The following STARD7 variants were observed in gnomAD, a reference collection of about 807,000 sequenced individuals.
STARD7 encodes the protein stAR-related lipid transfer protein 7, mitochondrial.
A neutral mutation model predicts 45.3 loss-of-function variants in STARD7; 30 were observed. The ratio of observed to expected loss-of-function variants is 0.66; its 90% CI spans 0.50 to 0.90. STARD7 has a LOEUF of 0.90. STARD7 is among the 40% of genes least tolerant of loss of function. The probability of loss-of-function intolerance (pLI) is 0.00; values close to 1 mark genes in which losing one functional copy is unlikely to be tolerated. For missense variants in STARD7, 495 were observed against 491.3 expected (o/e 1.01, Z -0.07); for synonymous variants, 199 against 183.0 (o/e 1.09, Z -0.70).
intron 1 of STARD7, among the ~76,000 whole-genome samples, chr2:96,204,749 CAAA>C (rs397959036): frequency 6.2e-5 from 6 of 96,122 alleles, no homozygotes; most frequent in East Asian, 3.1e-4. Flanking sequence ...TGACAATGGC[CAAA>C]AAAAAAAAAA....
At chr2:96,187,720 G>A (rs1683059033) in intron 6 of STARD7, 1 of 154,132 alleles carries the variant, frequency 6.5e-6, no homozygotes, top group South Asian at 2.0e-4. Flanking sequence ...CACTTTGGGA[G>A]GCCGAGGCAG....
intron 1 of STARD7, among the ~76,000 whole-genome samples, chr2:96,196,123 A>AAAAAAC (rs1553432195): frequency 6.6e-6 from 1 of 150,538 alleles, no homozygotes; most frequent in African/African-American, 2.5e-5. Flanking sequence ...CAAAAAAAAA[A>AAAAAAC]AAAAAACAAA....
At chr2:96,192,333 C>T in intron 6 of STARD7, 36 bp downstream of exon 6, 4 of 1,491,204 alleles carry the variant, frequency 2.7e-6, no homozygotes, top group Non-Finnish European at 3.7e-6. Context: ...ATTCCACAGC[C>T]ATGACATGTT....
At chr2:96,201,289 T>C (rs1392581793) in intron 1 of STARD7, among the ~76,000 whole-genome samples, 1 of 151,744 alleles carries the variant, frequency 6.6e-6, no homozygotes, top group Non-Finnish European at 1.5e-5. Context: ...AAAGATTGCA[T>C]TAAGGCCTGG....
intron 2 of STARD7, 94 bp downstream of exon 2, chr2:96,195,247 G>A: frequency 8.5e-7 from 1 of 1,180,826 alleles, no homozygotes; most frequent in Non-Finnish European, 1.2e-6. Context: ...AATTTTCTGA[G>A]AAACAACCAG....
At chr2:96,200,940 A>C (rs1683294665) in intron 1 of STARD7, among the ~76,000 whole-genome samples, 1 of 152,214 alleles carries the variant, frequency 6.6e-6, no homozygotes, top group African/African-American at 2.4e-5. Context: ...AGAAGACCCA[A>C]ATTACTGCTA....
intron 6 of STARD7, among the ~76,000 whole-genome samples, chr2:96,188,282 T>TC (rs1366971619): frequency 6.9e-6 from 1 of 144,208 alleles, no homozygotes; most frequent in Non-Finnish European, 1.5e-5. Context: ...TTTTTTTTTT[T>TC]TTTTTTTTTT....
Position 96,195,003 on chromosome 2 carries a change from A to G in STARD7, c.504T>C (p.Phe168=). ...TGTHLYQYRV[F]GTYTDVTPRQ... is the part of the protein sequence containing the mutation. ...GAGGTGTCACATCTGTGTAGGTTCC[A>G]AAAACTAGAATGAAAAGAAAGAATA... is the stretch of plus-strand genomic sequence containing the variant. The change falls in exon 3 of 8, where the codon TTT becomes TTC. Residue 168 remains phenylalanine, a synonymous_variant. Coordinates refer to ENST00000337288, the MANE Select transcript of STARD7 (RefSeq NM_020151.4). 6 of 1,607,886 alleles carry G rather than the reference A, an allele frequency of 3.7e-6. No individual in the cohort carries two copies. Among genetic ancestry groups the G allele is most frequent in the Non-Finnish European group, 5.1e-6 (6 of 1,176,910 alleles).
chr2:96,208,263 G>C lies in STARD7; in HGVS notation c.172C>G (p.Leu58Val), dbSNP rs1345113584. 6.2e-7 allele frequency: 1 copy of C among 1,611,880 alleles called. No individual in the cohort carries two copies. Among genetic ancestry groups the C allele is most frequent in the South Asian group, 1.1e-5 (1 of 90,928 alleles). Residue 58 changes from leucine to valine, a missense_variant, in exon 1 of 8, where the codon CTC (leucine) becomes GTC (valine). Leu to Val is a conservative substitution (Grantham distance 32). Coordinates refer to ENST00000337288, the MANE Select transcript of STARD7 (RefSeq NM_020151.4). ...LYSESSRRVL[L>V]GRLWRRLHGR... The stretch of plus-strand genomic sequence containing the variant: ...TGCAGCCGGCGCCAGAGGCGGCCGA[G>C]GAGAACGCGGCGTGAGCTCTCGGAG...
At chr2:96,197,090 A>AAC (rs1213410041) in intron 1 of STARD7, among the ~76,000 whole-genome samples, 1 of 138,214 alleles carries the variant, frequency 7.2e-6, no homozygotes, top group African/African-American at 2.5e-5. Flanking sequence ...ATAAAATAAA[A>AAC]TAAAATAAAA....
chr2:96,208,507 C>T lies in STARD7; in HGVS notation c.-73G>A. 2 of 1,281,466 alleles carry T rather than the reference C, an allele frequency of 1.6e-6. No homozygotes were observed. The highest frequency in any genetic ancestry group is 2.0e-6 in the Non-Finnish European group (2 of 1,000,944). The allele number at this position is 1,281,466 out of a possible 1,614,324, so 79.4% of individuals were successfully genotyped here. A position where few individuals can be genotyped will look rare whatever the true frequency, so the allele number is the denominator to read the frequency against. ...AGTCCGGAGGGGCGCAGGCGGTGGT[C>T]GCAGCGTCCCCCTAAATGGCCGGCC... On this transcript the variant is annotated 5_prime_UTR_variant, in exon 1 of 8. Coordinates refer to ENST00000337288, the MANE Select transcript of STARD7 (RefSeq NM_020151.4).
chr2:96,195,826 G>A (rs575933584), intron 1 of STARD7, among the ~76,000 whole-genome samples: 2 of 152,174 alleles, frequency 1.3e-5, no homozygotes, highest in Admixed American at 1.3e-4. Flanking sequence ...ATTACAAAGT[G>A]TCAAGTGCTG....
intron 1 of STARD7, among the ~76,000 whole-genome samples, chr2:96,201,448 C>T (rs897062529): frequency 4.1e-5 from 6 of 147,404 alleles, no homozygotes; most frequent in Non-Finnish European, 7.4e-5. Flanking sequence ...AATAGCTGGG[C>T]GTAGTGGCAT....
intron 6 of STARD7, among the ~76,000 whole-genome samples, chr2:96,188,929 C>CA (rs988590915): frequency 1.9e-4 from 28 of 148,648 alleles, no homozygotes; most frequent in African/African-American, 2.2e-4. Flanking sequence ...AACAAAAAAA[C>CA]AAAAAAAACA....
intron 1 of STARD7, among the ~76,000 whole-genome samples, chr2:96,197,069 A>ACTAATAACATAACATAAC (rs1331360031): frequency 1.1e-5 from 1 of 94,110 alleles, no homozygotes; most frequent in Non-Finnish European, 2.1e-5. Flanking sequence ...TCCGTCTCAA[A>ACTAATAACATAACATAAC]ATAAAATAAA....
At chr2:96,193,427 G>T (rs1683157069) in intron 3 of STARD7, 75 bp from the exon 4 acceptor site, 2 of 935,552 alleles carry the variant, frequency 2.1e-6, no homozygotes, top group Non-Finnish European at 3.5e-6. Context: ...CAGATGCTTT[G>T]GTCTCTGATC....
At chr2:96,203,252 G>A (rs1017622863) in intron 1 of STARD7, among the ~76,000 whole-genome samples, 2 of 152,144 alleles carry the variant, frequency 1.3e-5, no homozygotes, top group Admixed American at 1.3e-4. Flanking sequence ...GGATGGGATG[G>A]GTGGCTAAAC....
At chr2:96,194,827 G>T (rs953985358) in intron 3 of STARD7, 131 bp downstream of exon 3, 1 of 721,274 alleles carries the variant, frequency 1.4e-6, no homozygotes. Flanking sequence ...TAAATGCTAT[G>T]CAATGTGGAT....
chr2:96,203,767 A>C (rs1448469144), intron 1 of STARD7, among the ~76,000 whole-genome samples: 3 of 152,142 alleles, frequency 2.0e-5, no homozygotes, highest in African/African-American at 4.8e-5. Flanking sequence ...GTTGGAGATC[A>C]GCCTGGCCAA....
Sources: allele counts gnomAD v4.1 joint callset (sites outside exome capture counted in the v4.1 genomes callset), GRCh38; gene constraint gnomAD v4.1.1; transcripts MANE v1.5; gene names NCBI Gene and HGNC (gene_info 2026-07-23, HGNC 2026-07-21).